Variants in CLOCK observed in about 807,000 individuals in gnomAD.
CLOCK encodes circadian locomoter output cycles protein kaput.
In CLOCK, 43 loss-of-function variants were observed where a neutral mutation model predicts 118.4. That is an observed-to-expected ratio of 0.36 (90% confidence interval 0.28 to 0.47). The LOEUF (loss-of-function observed/expected upper bound fraction) is 0.47. Among genes scored for constraint, CLOCK ranks in the 20% least tolerant of loss-of-function variants. The pLI, the probability that CLOCK is intolerant of heterozygous loss-of-function variation, is 1.00. For synonymous variants in CLOCK, 326 were observed against 339.2 expected, an observed-to-expected ratio of 0.96 and a Z score of 0.43; for missense variants, 846 against 999.9, an observed-to-expected ratio of 0.85 and a Z score of 2.08.
chr4:55,481,369 T>G (rs1726924739), intron 4 of CLOCK, among the ~76,000 whole-genome samples: 1 of 152,216 alleles, frequency 6.6e-6, no homozygotes, highest in African/African-American at 2.4e-5. Context: ...TAATAATCAC[T>G]GCTTTATGTC....
intron 6 of CLOCK, among the ~76,000 whole-genome samples, chr4:55,476,690 T>A (rs1470662485): frequency 6.6e-6 from 1 of 152,202 alleles, no homozygotes; most frequent in African/African-American, 2.4e-5. Context: ...AGATCCCTGC[T>A]GTGGGACATA....
At chr4:55,476,883 T>C (rs543218832) in intron 6 of CLOCK, among the ~76,000 whole-genome samples, 1 of 152,252 alleles carries the variant, frequency 6.6e-6, no homozygotes, top group South Asian at 2.1e-4. Flanking sequence ...CAAAATATAC[T>C]CTAATTTGTA....
intron 18 of CLOCK, among the ~76,000 whole-genome samples, 178 bp downstream of exon 18, chr4:55,448,601 C>CGCGCGTGTGTGTGTGTGT (rs764071880): frequency 5.1e-5 from 6 of 116,980 alleles, no homozygotes; most frequent in Admixed American, 1.7e-4. Flanking sequence ...CGCACGCGCG[C>CGCGCGTGTGTGTGTGTGT]GTGTGTGTGT....
At chr4:55,453,543 A>G in intron 14 of CLOCK, 134 bp downstream of exon 14, 2 of 625,102 alleles carry the variant, frequency 3.2e-6, no homozygotes, top group Non-Finnish European at 5.5e-6. Context: ...ATTTAATAAT[A>G]TATTGAAAGG....
chr4:55,521,828 T>C (rs149056590), intron 1 of CLOCK, among the ~76,000 whole-genome samples: 158 of 152,334 alleles, frequency 1.0e-3, no homozygotes, highest in Non-Finnish European at 1.7e-3. Flanking sequence ...TGAGTGTGTA[T>C]GTAACTAGAC....
chr4:55,472,372 G>C (rs1726206689), intron 7 of CLOCK, among the ~76,000 whole-genome samples: 1 of 152,086 alleles, frequency 6.6e-6, no homozygotes, highest in Non-Finnish European at 1.5e-5. Context: ...AGTTCTAAGG[G>C]GGTGAAGTAT....
At chr4:55,538,532 CAG>C (rs1560486883) in intron 1 of CLOCK, among the ~76,000 whole-genome samples, 1 of 151,798 alleles carries the variant, frequency 6.6e-6, no homozygotes, top group Non-Finnish European at 1.5e-5. Context: ...AATATCCAAA[CAG>C]AGAAAAAAAT....
At chr4:55,480,262 CTTCTTT>C (rs1726827073) in intron 4 of CLOCK, among the ~76,000 whole-genome samples, 1 of 151,964 alleles carries the variant, frequency 6.6e-6, no homozygotes, top group East Asian at 1.9e-4. Flanking sequence ...ACAGTTTTTC[CTTCTTT>C]TTCCTTTTTT....
chr4:55,435,328 A>T lies in CLOCK; in HGVS notation c.*87T>A. ...TACTGCATCTCATGAAACTGCTGGA[A>T]CTTTCCCTCCTTTCCTCAGGTCATC... On this transcript the variant is annotated 3_prime_UTR_variant, in exon 23 of 23. Coordinates refer to ENST00000513440, the MANE Select transcript of CLOCK (RefSeq NM_004898.4). 2.6e-6 allele frequency: 4 copies of T among 1,509,658 alleles called. No homozygotes were observed. The highest frequency in any genetic ancestry group is 2.8e-6 in the Non-Finnish European group (3 of 1,088,150). The allele number at this position is 1,509,658 out of a possible 1,614,324, so 93.5% of individuals were successfully genotyped here.
At chr4:55,540,811 T>C (rs111999294) in intron 1 of CLOCK, 5,130 of 152,282 alleles carry the variant, frequency 0.034, 102 homozygotes, top group Non-Finnish European at 0.054. Flanking sequence ...GGGTAACATG[T>C]CACAGCCAGA....
intron 1 of CLOCK, among the ~76,000 whole-genome samples, chr4:55,513,919 C>T (rs1179331870): frequency 1.3e-5 from 2 of 152,006 alleles, no homozygotes; most frequent in African/African-American, 4.8e-5. Flanking sequence ...TAGAATTCCA[C>T]TTGTTCACTG....
intron 1 of CLOCK, among the ~76,000 whole-genome samples, chr4:55,512,224 T>C (rs1417646024): frequency 1.3e-5 from 2 of 152,180 alleles, no homozygotes; most frequent in Non-Finnish European, 2.9e-5. Context: ...GAGTTCCTGT[T>C]GTTCCACATC....
At chr4:55,436,571 G>A (rs918724833) in intron 22 of CLOCK, among the ~76,000 whole-genome samples, 10 of 152,164 alleles carry the variant, frequency 6.6e-5, no homozygotes, top group African/African-American at 2.4e-4. Context: ...GAGCTGTGGT[G>A]GGCAATTTTT....
At chr4:55,479,820 T>C in intron 4 of CLOCK, 121 bp from the exon 5 acceptor site, 1 of 747,800 alleles carries the variant, frequency 1.3e-6, no homozygotes. Context: ...AGTTATAACA[T>C]TCAAACTACT....
In CLOCK at chr4:55,433,655, T is replaced by C. The variant is rs932148840; in HGVS notation, c.*1760A>G. On this transcript the variant is annotated 3_prime_UTR_variant, in exon 23 of 23. Transcript: ENST00000513440. ...CCCTTTCCTCAGTAATAACATTTTTTATATTCTAATAATGTATTTTCTACT... is the reference window on the plus strand; with the variant it reads ...CCCTTTCCTCAGTAATAACATTTTTCATATTCTAATAATGTATTTTCTACT... 1 of 152,216 alleles carries C rather than the reference T, an allele frequency of 6.6e-6. No homozygotes were observed. The highest frequency in any genetic ancestry group is 1.5e-5 in the Non-Finnish European group (1 of 68,030). 9.4% of individuals were successfully genotyped at this position (152,216 alleles called of 1,614,324 possible). A position where few individuals can be genotyped will look rare whatever the true frequency, so the allele number is the denominator to read the frequency against.
At chr4:55,473,049 G>A (rs912200189) in intron 7 of CLOCK, among the ~76,000 whole-genome samples, 7 of 151,998 alleles carry the variant, frequency 4.6e-5, no homozygotes, top group African/African-American at 1.7e-4. Flanking sequence ...CATGGTGAAA[G>A]CTCGTCTCTA....
At chr4:55,461,312 T>C (rs1265406557) in intron 9 of CLOCK, among the ~76,000 whole-genome samples, 4 of 144,142 alleles carry the variant, frequency 2.8e-5, no homozygotes, top group Non-Finnish European at 5.9e-5. Flanking sequence ...ACCTGAGTGA[T>C]TTTTTTTAAT....
intron 6 of CLOCK, among the ~76,000 whole-genome samples, chr4:55,477,166 T>C (rs1423655051): frequency 6.6e-6 from 1 of 152,158 alleles, no homozygotes; most frequent in East Asian, 1.9e-4. Flanking sequence ...AAAATCCTTT[T>C]ACCTTAACAG....
intron 3 of CLOCK, among the ~76,000 whole-genome samples, chr4:55,484,482 G>GA (rs1288578159): frequency 3.9e-5 from 6 of 152,168 alleles, no homozygotes; most frequent in Non-Finnish European, 7.3e-5. Flanking sequence ...ATGGAACACA[G>GA]AACTACAGAA....
Sources: gnomAD v4.1 joint callset for allele counts (sites outside exome capture counted in the v4.1 genomes callset) on GRCh38, gnomAD v4.1.1 for gene constraint, MANE v1.5 for transcripts, NCBI Gene and HGNC (gene_info 2026-07-23, HGNC 2026-07-21) for gene names.